Variants in ZNF596 observed in about 807,000 individuals in gnomAD.
ZNF596 encodes the protein zinc finger protein 596.
ZNF596 carries 45 observed loss-of-function variants against 48.3 expected under a neutral mutation model. The ratio of observed to expected loss-of-function variants is 0.93; its 90% CI spans 0.73 to 1.19. The LOEUF (loss-of-function observed/expected upper bound fraction) is 1.19. Ranked by LOEUF, ZNF596 falls within the 50% of genes most tolerant of loss-of-function variation. The pLI, the probability that ZNF596 is intolerant of heterozygous loss-of-function variation, is 0.00. For missense variants in ZNF596, 848 were observed against 599.7 expected, an observed-to-expected ratio of 1.41 and a Z score of -4.32; for synonymous variants, 270 against 202.0, an observed-to-expected ratio of 1.34 and a Z score of -2.85.
intron 4 of ZNF596, 48 bp downstream of exon 4, chr8:243,853 C>T (rs772739080): frequency 1.5e-5 from 23 of 1,514,978 alleles, no homozygotes; most frequent in East Asian, 2.3e-5. Context: ...GAAACATGGC[C>T]AGTGAGTGAG....
At chr8:244,834 G>A in intron 5 of ZNF596, 133 bp downstream of exon 5, 4 of 753,530 alleles carry the variant, frequency 5.3e-6, no homozygotes, top group Non-Finnish European at 6.5e-6. Flanking sequence ...ATTTAGTGAA[G>A]ACGTTAACTT....
upstream of ZNF596, chr8:232,180 C>T (rs1222545436): frequency 6.5e-6 from 1 of 153,190 alleles, no homozygotes; most frequent in Admixed American, 6.5e-5. Context: ...ACCGAACGCA[C>T]TCCAACAGAA....
At chr8:244,777 G>T (rs1216765398) in intron 5 of ZNF596, 76 bp downstream of exon 5, 10 of 1,147,742 alleles carry the variant, frequency 8.7e-6, no homozygotes, top group African/African-American at 4.7e-5. Flanking sequence ...TTTGGTACAG[G>T]TACCTGACTG....
At chr8:244,567 T>G (rs902382299) in intron 4 of ZNF596, 52 bp from the exon 5 acceptor site, 2 of 1,327,460 alleles carry the variant, frequency 1.5e-6, no homozygotes, top group Non-Finnish European at 2.2e-6. Flanking sequence ...CTATTTAACA[T>G]TTTTATTCCC....
At chr8:237,493 A>ACTT (rs1381435816) in intron 1 of ZNF596, 3 of 152,158 alleles carry the variant, frequency 2.0e-5, no homozygotes, top group Non-Finnish European at 4.4e-5. Flanking sequence ...CATTTATCAT[A>ACTT]CTTATTAATA....
chr8:235,389 C>G (rs1443645033), intron 1 of ZNF596, among the ~76,000 whole-genome samples: 1 of 151,898 alleles, frequency 6.6e-6, no homozygotes, highest in Non-Finnish European at 1.5e-5. Context: ...TATATTCTAG[C>G]AAGATGCAGC....
chr8:240,848 G>C lies in ZNF596; in HGVS notation c.-48G>C, dbSNP rs369535441. ...GATTTGTCTTCTTAGTGCTTGGATGGTGTGAGTGAAAACCCAGAGGAATAC... is the reference window on the plus strand; with the variant it reads ...GATTTGTCTTCTTAGTGCTTGGATGCTGTGAGTGAAAACCCAGAGGAATAC... On this transcript the variant is annotated 5_prime_UTR_variant, in exon 2 of 6. Coordinates refer to ENST00000398612, the MANE Select transcript of ZNF596 (RefSeq NM_001042416.3). The C allele has an allele frequency of 1.2e-6, 2 of 1,612,532 alleles. No individual in the cohort carries two copies. The highest frequency in any genetic ancestry group is 2.2e-5 in the East Asian group (1 of 44,864).
Position 233,223 on chromosome 8 carries a change from G to A in ZNF596, c.-73+529G>A, listed in dbSNP as rs559876212. On this transcript the variant is annotated intron_variant, in intron 1 of 5. Coordinates refer to ENST00000398612, the MANE Select transcript of ZNF596 (RefSeq NM_001042416.3). ...TGGGGTAAATGGAAATAGACAAAAT[G>A]GGAATCAGCAGAGATATGGAGGACA... The A allele has an allele frequency of 5.2e-4, 221 of 426,438 alleles. 7 individuals are homozygous for A. In the Middle Eastern group the frequency reaches 0.013, roughly 24 times the overall value. The allele number at this position is 426,438 out of a possible 1,614,324, so 26.4% of individuals were successfully genotyped here.
chr8:246,435 C>G lies in ZNF596; in HGVS notation c.*73C>G, dbSNP rs544635874. 3 of 1,494,098 alleles carry G rather than the reference C, an allele frequency of 2.0e-6. No homozygotes were observed. The highest frequency in any genetic ancestry group is 2.8e-5 in the African/African-American group (2 of 71,248). 92.6% of individuals were successfully genotyped at this position (1,494,098 alleles called of 1,614,324 possible). On this transcript the variant is annotated 3_prime_UTR_variant, in exon 6 of 6. Transcript: ENST00000398612. ...ACTACAGGAATATTATGTCTGTAAT[C>G]AGTGTGGAAAAGCCTTTATTTATAT...
At position 245,363 on chromosome 8, in the gene ZNF596, T is replaced by A; in HGVS notation, c.516T>A (p.Phe172Leu). Residue 172 changes from phenylalanine to leucine, a missense_variant, in exon 6 of 6, where the codon TTT (phenylalanine) becomes TTA (leucine). By Grantham distance (22) the Phe-to-Leu change is conservative. Transcript: ENST00000398612. ...GTAAATCATATGGAAGTCATCTATTTGATTATGCCTTTATCCAAAACTCTG... is the reference window on the plus strand; with the variant it reads ...GTAAATCATATGGAAGTCATCTATTAGATTATGCCTTTATCCAAAACTCTG... ...TKCKSYGSHL[F>L]DYAFIQNSAL... The A allele has an allele frequency of 6.2e-7, 1 of 1,614,144 alleles. No homozygotes were observed. Among genetic ancestry groups the A allele is most frequent in the Non-Finnish European group, 8.5e-7 (1 of 1,179,964 alleles).
intron 4 of ZNF596, 31 bp from the exon 5 acceptor site, chr8:244,588 T>C: frequency 2.0e-6 from 3 of 1,520,110 alleles, no homozygotes; most frequent in African/African-American, 1.4e-5. Flanking sequence ...CTAATGCCTA[T>C]ATAGCATCTT....
intron 2 of ZNF596, 152 bp downstream of exon 2, chr8:241,059 C>T (rs957112286): frequency 2.4e-4 from 227 of 953,168 alleles, no homozygotes; most frequent in Non-Finnish European, 3.5e-4. Flanking sequence ...TACATTGGCT[C>T]AAAGAGTCAT....
chr8:235,838 A>C (rs1563062112), intron 1 of ZNF596, among the ~76,000 whole-genome samples: 2 of 152,226 alleles, frequency 1.3e-5, no homozygotes, highest in Admixed American at 6.5e-5. Flanking sequence ...ATAAATATTT[A>C]TATGACTTAT....
rs1563069872 is a variant in ZNF596, at chr8:245,258, A to G, written c.411A>G (p.Lys137=). 2 of 1,614,126 alleles carry G rather than the reference A, an allele frequency of 1.2e-6. No individual in the cohort carries two copies. Among genetic ancestry groups the G allele is most frequent in the Non-Finnish European group, 1.7e-6 (2 of 1,180,010 alleles). ...TQNVITYMRT[K]HFVSKKFGKI... ...ATGTGATTACCTACATGAGAACGAA[A>G]CACTTTGTAAGCAAAAAGTTTGGGA... Residue 137 remains lysine (K), a synonymous_variant, in exon 6 of 6, where the codon AAA becomes AAG. Transcript: ENST00000398612.
At chr8:244,861 T>A (rs1796999441) in intron 5 of ZNF596, among the ~76,000 whole-genome samples, 160 bp downstream of exon 5, 1 of 152,210 alleles carries the variant, frequency 6.6e-6, no homozygotes, top group Non-Finnish European at 1.5e-5. Flanking sequence ...AAAACCATAA[T>A]ATGAGGCCTT....
At position 232,624 on chromosome 8, in the gene ZNF596, G is replaced by C; in HGVS notation, c.-143G>C. On this transcript the variant is annotated 5_prime_UTR_variant, in exon 1 of 6. Coordinates refer to ENST00000398612, the MANE Select transcript of ZNF596 (RefSeq NM_001042416.3). Reference sequence around the variant, plus strand: ...CGTCTGTGTCCGGTTCCGTCACTGAGGTCGCCCCTGTCCGGCCCTTCCACC... The same window carrying C: ...CGTCTGTGTCCGGTTCCGTCACTGACGTCGCCCCTGTCCGGCCCTTCCACC... The C allele has an allele frequency of 5.9e-6, 2 of 341,060 alleles. No individual in the cohort carries two copies. Among genetic ancestry groups the C allele is most frequent in the South Asian group, 2.3e-5 (1 of 44,036 alleles). The allele number at this position is 341,060 out of a possible 1,614,324, so 21.1% of individuals were successfully genotyped here. A position where few individuals can be genotyped will look rare whatever the true frequency, so the allele number is the denominator to read the frequency against.
At position 240,872 on chromosome 8, in the gene ZNF596, A is replaced by G. The variant is rs1219365573; in HGVS notation, c.-24A>G. ...GGTGTGAGTGAAAACCCAGAGGAATACATTTGGTGGCTGAGCTAGTACAAT... is the reference window on the plus strand; with the variant it reads ...GGTGTGAGTGAAAACCCAGAGGAATGCATTTGGTGGCTGAGCTAGTACAAT... On this transcript the variant is annotated 5_prime_UTR_variant, in exon 2 of 6. It adds an upstream start codon to the 5' untranslated region. Coordinates refer to ENST00000398612, the MANE Select transcript of ZNF596 (RefSeq NM_001042416.3). 10 of 1,614,006 alleles carry G rather than the reference A, an allele frequency of 6.2e-6. No individual in the cohort carries two copies. The highest frequency in any genetic ancestry group is 8.5e-6 in the Non-Finnish European group (10 of 1,179,948).
chr8:240,894 C>T lies in ZNF596; in HGVS notation c.-2C>T, dbSNP rs1796826849. On this transcript the variant is annotated 5_prime_UTR_variant, in exon 2 of 6. Transcript: ENST00000398612. Reference sequence around the variant, plus strand: ...AATACATTTGGTGGCTGAGCTAGTACAATGCCATCACCGGTGAGTGGGAAA... The same window carrying T: ...AATACATTTGGTGGCTGAGCTAGTATAATGCCATCACCGGTGAGTGGGAAA... 12 of 1,614,086 alleles carry T rather than the reference C, an allele frequency of 7.4e-6. No individual in the cohort carries two copies. Among genetic ancestry groups the T allele is most frequent in the Non-Finnish European group, 1.0e-5 (12 of 1,179,994 alleles).
Position 245,865 on chromosome 8 carries a change from T to G in ZNF596, c.1018T>G (p.Cys340Gly), listed in dbSNP as rs1179603675. 1 of 1,614,100 alleles carries G rather than the reference T, an allele frequency of 6.2e-7. No homozygotes were observed. The highest frequency in any genetic ancestry group is 1.1e-5 in the South Asian group (1 of 91,072). ...AGAGAAACCATATGAATGTCATCTA[T>G]GTGGAAAAGCCTTCTCTCATTGTTC... ...NGEKPYECHLCGKAFSHCSHL... is the reference protein window; with the variant it reads ...NGEKPYECHLGGKAFSHCSHL... The change falls in exon 6 of 6, where the codon TGT becomes GGT. Residue 340 changes from cysteine (C) to glycine (G), a missense_variant. Physicochemically the swap from Cys to Gly is radical, Grantham distance 159. Coordinates refer to ENST00000398612, the MANE Select transcript of ZNF596 (RefSeq NM_001042416.3).
Sources: gnomAD v4.1 joint callset for allele counts (sites outside exome capture counted in the v4.1 genomes callset) on GRCh38, gnomAD v4.1.1 for gene constraint, MANE v1.5 for transcripts, NCBI Gene and HGNC (gene_info 2026-07-23, HGNC 2026-07-21) for gene names.